Variants in NAALADL2 observed in about 807,000 individuals in gnomAD.
The protein encoded by NAALADL2 is N-acetylated alpha-linked acidic dipeptidase like 2, also known as inactive N-acetylated-alpha-linked acidic dipeptidase-like protein 2.
A neutral mutation model predicts 87.2 loss-of-function variants in NAALADL2; 76 were observed. The ratio of observed to expected loss-of-function variants is 0.87; its 90% confidence interval spans 0.72 to 1.05. The LOEUF (loss-of-function observed/expected upper bound fraction) is 1.05, where lower values mean the gene tolerates loss of function less well. Among genes scored for constraint, NAALADL2 ranks in the 50% least tolerant of loss-of-function variants. NAALADL2 has a pLI of 0.00. For synonymous variants in NAALADL2, 354 were observed against 331.0 expected, an observed-to-expected ratio of 1.07 and a Z score of -0.75; for missense variants, 1,089 against 945.8, an observed-to-expected ratio of 1.15 and a Z score of -1.99.
chr3:174,962,125 G>A (rs1301716589), intron 1 of NAALADL2, among the ~76,000 whole-genome samples: 3 of 151,750 alleles, frequency 2.0e-5, no homozygotes, highest in Non-Finnish European at 4.4e-5. Flanking sequence ...GCCCTATGGA[G>A]AGAGCCATTT....
intron 1 of NAALADL2, among the ~76,000 whole-genome samples, chr3:174,890,167 T>C (rs527786895): frequency 1.4e-5 from 2 of 144,786 alleles, no homozygotes; most frequent in Admixed American, 7.1e-5. Context: ...TGAAATAGAT[T>C]ATGTATAGTA....
chr3:175,320,133 C>A (rs1466516124), intron 4 of NAALADL2, among the ~76,000 whole-genome samples: 1 of 152,060 alleles, frequency 6.6e-6, no homozygotes, highest in African/African-American at 2.4e-5. Context: ...AATTACTTTT[C>A]CTCTCTCTTG....
chr3:174,634,791 T>A (rs1466774244), intron 2 of NAALADL2, among the ~76,000 whole-genome samples: 1 of 152,208 alleles, frequency 6.6e-6, no homozygotes, highest in Non-Finnish European at 1.5e-5. Context: ...TCAGTTTTAC[T>A]TTTTAACTTT....
intron 1 of NAALADL2, among the ~76,000 whole-genome samples, chr3:174,882,724 T>C (rs948057815): frequency 6.2e-5 from 9 of 146,238 alleles, no homozygotes; most frequent in African/African-American, 2.3e-4. Context: ...CATATATGTG[T>C]ATATGTGTAT....
chr3:174,942,306 G>C (rs1488493396), intron 1 of NAALADL2, among the ~76,000 whole-genome samples: 2 of 152,094 alleles, frequency 1.3e-5, no homozygotes, highest in African/African-American at 4.8e-5. Context: ...AGTTTGGCTG[G>C]ATATGAAATT....
At chr3:175,304,025 A>G in intron 4 of NAALADL2, among the ~76,000 whole-genome samples, 1 of 151,354 alleles carries the variant, frequency 6.6e-6, no homozygotes, top group African/African-American at 2.4e-5. Context: ...TTTTTTTTAC[A>G]TATGAAAATG....
chr3:175,057,009 T>A (rs1712346938), intron 1 of NAALADL2, among the ~76,000 whole-genome samples: 1 of 152,204 alleles, frequency 6.6e-6, no homozygotes, highest in Admixed American at 6.5e-5. Context: ...TTGGGAGGCC[T>A]GTTCCCAACA....
At chr3:175,220,278 CTGTTA>C (rs1293609169) in intron 2 of NAALADL2, among the ~76,000 whole-genome samples, 1 of 151,398 alleles carries the variant, frequency 6.6e-6, no homozygotes. Context: ...TTGCATGTGT[CTGTTA>C]TAACTGATTT....
intron 11 of NAALADL2, among the ~76,000 whole-genome samples, chr3:175,680,181 G>GT (rs1189765947): frequency 6.6e-6 from 1 of 152,110 alleles, no homozygotes; most frequent in Non-Finnish European, 1.5e-5. Flanking sequence ...TCTTTTGATT[G>GT]TTTAGTATCT....
chr3:174,713,392 A>G (rs1370727059), intron 2 of NAALADL2, among the ~76,000 whole-genome samples: 2 of 152,152 alleles, frequency 1.3e-5, no homozygotes, highest in African/African-American at 2.4e-5. Context: ...GACTTCCACA[A>G]CGGTTGAACT....
At chr3:174,991,417 A>G (rs1746725529) in intron 1 of NAALADL2, among the ~76,000 whole-genome samples, 1 of 152,056 alleles carries the variant, frequency 6.6e-6, no homozygotes, top group Non-Finnish European at 1.5e-5. Flanking sequence ...TCATGTCAAA[A>G]TTATGAAAAT....
At chr3:175,778,865 T>C (rs1161018014) in intron 13 of NAALADL2, among the ~76,000 whole-genome samples, 1 of 152,172 alleles carries the variant, frequency 6.6e-6, no homozygotes, top group African/African-American at 2.4e-5. Context: ...GGCTTCTTGC[T>C]GAGCCTAGGA....
chr3:174,810,238 G>C (rs1560246400), intron 3 of NAALADL2, among the ~76,000 whole-genome samples: 1 of 152,130 alleles, frequency 6.6e-6, no homozygotes, highest in Non-Finnish European at 1.5e-5. Context: ...TTTTGAGCTG[G>C]GTAATGGACA....
chr3:175,124,825 GA>G (rs780671709), intron 2 of NAALADL2, among the ~76,000 whole-genome samples: 41 of 151,978 alleles, frequency 2.7e-4, no homozygotes, highest in Non-Finnish European at 4.6e-4. Context: ...GTGTCCCAAA[GA>G]AACTTTATGA....
intron 1 of NAALADL2, among the ~76,000 whole-genome samples, chr3:175,081,702 G>A (rs1423637635): frequency 6.6e-6 from 1 of 152,046 alleles, no homozygotes; most frequent in Non-Finnish European, 1.5e-5. Context: ...TCTTGTTGAA[G>A]CCCTCTTTAA....
chr3:174,817,020 A>C (rs2109316307), intron 3 of NAALADL2, among the ~76,000 whole-genome samples: 1 of 152,332 alleles, frequency 6.6e-6, no homozygotes, highest in South Asian at 2.1e-4. Flanking sequence ...TGGGTGTTCT[A>C]CAACAGGCAG....
chr3:175,664,219 G>T (rs774586045), intron 11 of NAALADL2, among the ~76,000 whole-genome samples: 1 of 152,058 alleles, frequency 6.6e-6, no homozygotes, highest in Non-Finnish European at 1.5e-5. Context: ...TAGCCTAGTA[G>T]AGGTATAGAA....
At chr3:175,645,018 TA>T (rs1484486932) in intron 11 of NAALADL2, among the ~76,000 whole-genome samples, 6 of 152,178 alleles carry the variant, frequency 3.9e-5, no homozygotes, top group Non-Finnish European at 7.4e-5. Flanking sequence ...AGTCATCCAT[TA>T]AACAATTCGT....
At chr3:175,253,358 T>C (rs1361768203) in intron 3 of NAALADL2, among the ~76,000 whole-genome samples, 1 of 152,178 alleles carries the variant, frequency 6.6e-6, no homozygotes, top group Non-Finnish European at 1.5e-5. Flanking sequence ...CAAATATGTT[T>C]ACACATGGAC....
Sources: allele counts gnomAD v4.1 joint callset (sites outside exome capture counted in the v4.1 genomes callset), GRCh38; gene constraint gnomAD v4.1.1; transcripts MANE v1.5; gene names NCBI Gene and HGNC (gene_info 2026-07-23, HGNC 2026-07-21).